VIPR2: variants seen among roughly 807,000 people sequenced by gnomAD.
VIPR2 encodes vasoactive intestinal peptide receptor 2, also known as vasoactive intestinal polypeptide receptor 2.
A neutral mutation model predicts 58.0 loss-of-function variants in VIPR2; 48 were observed. The observed-to-expected ratio is 0.83, with a 90% CI of 0.66 to 1.05. The LOEUF (loss-of-function observed/expected upper bound fraction) is 1.05, where lower values mean the gene tolerates loss of function less well. Ranked by LOEUF, VIPR2 falls within the 50% of genes least tolerant of loss-of-function variation. The pLI, the probability that VIPR2 is intolerant of heterozygous loss-of-function variation, is 0.00. For missense variants in VIPR2, 534 were observed against 558.0 expected (o/e 0.96, Z 0.43); for synonymous variants, 243 against 235.2 (o/e 1.03, Z -0.30).
At chr7:159,036,438 G>A (rs533553016) in intron 7 of VIPR2, among the ~76,000 whole-genome samples, 1 of 152,246 alleles carries the variant, frequency 6.6e-6, no homozygotes, top group African/African-American at 2.4e-5. Flanking sequence ...TCTCCTCTCT[G>A]ATCCCCACCC....
chr7:159,063,113 G>C (rs1477441337), intron 4 of VIPR2, among the ~76,000 whole-genome samples: 1 of 152,236 alleles, frequency 6.6e-6, no homozygotes, highest in Non-Finnish European at 1.5e-5. Context: ...GCCGCAGGCG[G>C]AGCTGCCCCC....
chr7:159,057,561 C>G (rs374787623), intron 5 of VIPR2, among the ~76,000 whole-genome samples: 2 of 152,104 alleles, frequency 1.3e-5, no homozygotes, highest in East Asian at 3.9e-4. Context: ...AGAAATATTC[C>G]ATTTATCATT....
chr7:159,035,929 T>C (rs375156566), intron 8 of VIPR2, 23 bp downstream of exon 8: 7 of 1,607,396 alleles, frequency 4.4e-6, no homozygotes, highest in Admixed American at 1.7e-5. Context: ...GTTTTCGAGG[T>C]TGCAGTCTGG....
Position 159,081,644 on chromosome 7 carries a change from T to G in VIPR2, c.357+22113A>C, listed in dbSNP as rs1363992089. On this transcript the variant is annotated intron_variant, in intron 4 of 12. Coordinates refer to ENST00000262178, the MANE Select transcript of VIPR2 (RefSeq NM_003382.5). ...GGATCTAATTAAACTAAAGAGCTTC[T>G]GCACAGCAAAAGAAACCACCATCAG... Among the ~76,000 whole-genome samples the G allele has an allele frequency of 9.2e-5, 14 of 152,260 alleles. No individual in the cohort carries two copies. The East Asian group carries it at 1.9e-3, about 21-fold the overall frequency.
At position 159,098,809 on chromosome 7, in the gene VIPR2, C is replaced by T. The variant is rs370259669; in HGVS notation, c.357+4948G>A. Reference sequence around the variant, plus strand: ...CAATAATGATTGCACACACAACACCCAGGGCAGACTTTGGCCCTGTGCAAG... The same window carrying T: ...CAATAATGATTGCACACACAACACCTAGGGCAGACTTTGGCCCTGTGCAAG... On this transcript the variant is annotated intron_variant, in intron 4 of 12. Transcript: ENST00000262178. This position sits in a 1 kb window ranked among gnomAD's most constrained non-coding sequence, Gnocchi z 5.2. 8.5e-4 allele frequency among the ~76,000 whole-genome samples: 130 copies of T among 152,342 alleles called. No individual in the cohort carries two copies. The highest frequency in any genetic ancestry group is 2.9e-3 in the African/African-American group (119 of 41,578).
At position 159,030,595 on chromosome 7, in the gene VIPR2, G is replaced by C; in HGVS notation, c.*21C>G. 1.3e-6 allele frequency: 2 copies of C among 1,512,544 alleles called. No homozygotes were observed. Among genetic ancestry groups the C allele is most frequent in the Non-Finnish European group, 1.8e-6 (2 of 1,127,114 alleles). The allele number at this position is 1,512,544 out of a possible 1,614,324, so 93.7% of individuals were successfully genotyped here. A position where few individuals can be genotyped will look rare whatever the true frequency, so the allele number is the denominator to read the frequency against. The stretch of plus-strand genomic sequence containing the variant: ...CCCCGAACCGTGGGCCTCCCGCCGC[G>C]TCCGACAGGCAGGGGTGGGGCTAGA... On this transcript the variant is annotated 3_prime_UTR_variant, in exon 13 of 13. Coordinates refer to ENST00000262178, the MANE Select transcript of VIPR2 (RefSeq NM_003382.5).
chr7:159,086,343 T>G (rs1166353230), intron 4 of VIPR2, among the ~76,000 whole-genome samples: 2 of 152,198 alleles, frequency 1.3e-5, no homozygotes, highest in Non-Finnish European at 2.9e-5. Flanking sequence ...AATCAGACCG[T>G]GCTGAGCTGG....
intron 2 of VIPR2, among the ~76,000 whole-genome samples, chr7:159,115,732 G>A (rs1395386888): frequency 6.6e-6 from 1 of 152,226 alleles, no homozygotes; most frequent in Non-Finnish European, 1.5e-5. Flanking sequence ...CCCCTGACGT[G>A]CTGCCTGCAG....
chr7:159,144,010 G>C (rs1368168121), intron 1 of VIPR2, among the ~76,000 whole-genome samples: 1 of 152,248 alleles, frequency 6.6e-6, no homozygotes, highest in African/African-American at 2.4e-5. Flanking sequence ...GCCGCGGATC[G>C]ATCCAGACCT....
intron 9 of VIPR2, 82 bp from the exon 10 acceptor site, chr7:159,034,386 C>A: frequency 7.1e-7 from 1 of 1,417,672 alleles, no homozygotes; most frequent in South Asian, 1.2e-5. Flanking sequence ...CGACCCTCCC[C>A]TCCGCTCCCT....
intron 4 of VIPR2, among the ~76,000 whole-genome samples, chr7:159,081,126 T>A: frequency 6.6e-6 from 1 of 152,164 alleles, no homozygotes; most frequent in African/African-American, 2.4e-5. Flanking sequence ...ACTTTAAAGT[T>A]CATATGGAAC....
Position 159,096,769 on chromosome 7 carries a change from C to T in VIPR2, c.357+6988G>A, listed in dbSNP as rs1418679108. On this transcript the variant is annotated intron_variant, in intron 4 of 12. Transcript: ENST00000262178. This position sits in a 1 kb window ranked among gnomAD's most constrained non-coding sequence, Gnocchi z 5.5. Reference sequence around the variant, plus strand: ...ATTTCTGCCTGTGGCCAGATTTCTGCCCCTGCCTGAGGTCAGTCTCGTGGC... The same window carrying T: ...ATTTCTGCCTGTGGCCAGATTTCTGTCCCTGCCTGAGGTCAGTCTCGTGGC... 2 of 1,406,552 alleles carry T rather than the reference C, an allele frequency of 1.4e-6. No individual in the cohort carries two copies. The highest frequency in any genetic ancestry group is 1.9e-6 in the Non-Finnish European group (2 of 1,076,008). The allele number at this position is 1,406,552 out of a possible 1,614,324, so 87.1% of individuals were successfully genotyped here.
chr7:159,127,996 G>A lies in VIPR2; in HGVS notation c.151+14450C>T, dbSNP rs984041258. Among the ~76,000 whole-genome samples, 2 of 152,128 alleles carry A rather than the reference G, an allele frequency of 1.3e-5. No homozygotes were observed. Among genetic ancestry groups the A allele is most frequent in the African/African-American group, 4.8e-5 (2 of 41,440 alleles). On this transcript the variant is annotated intron_variant, in intron 2 of 12. Coordinates refer to ENST00000262178, the MANE Select transcript of VIPR2 (RefSeq NM_003382.5). The surrounding 1 kb of genome is among the most constrained non-coding windows in gnomAD (Gnocchi z 4.6). ...TTGTGTCTCTTCCTGGATCATCCCA[G>A]AACATACATCCACAGCGCCAGGACA...
At chr7:159,040,955 G>A (rs1318626663) in intron 6 of VIPR2, among the ~76,000 whole-genome samples, 1 of 152,142 alleles carries the variant, frequency 6.6e-6, no homozygotes, top group East Asian at 1.9e-4. Context: ...TAGAGTCACG[G>A]GGCATCTGGC....
chr7:159,082,974 A>C (rs1292508072), intron 4 of VIPR2, among the ~76,000 whole-genome samples: 1 of 152,230 alleles, frequency 6.6e-6, no homozygotes, highest in African/African-American at 2.4e-5. Flanking sequence ...TCATGTAATT[A>C]CACACGGTGT....
At chr7:159,137,594 C>G (rs1317983072) in intron 2 of VIPR2, among the ~76,000 whole-genome samples, 1 of 152,198 alleles carries the variant, frequency 6.6e-6, no homozygotes, top group Non-Finnish European at 1.5e-5. Context: ...TTGTCTTGAA[C>G]TCCTGCCTTC....
intron 4 of VIPR2, among the ~76,000 whole-genome samples, chr7:159,088,553 C>A (rs556041953): frequency 1.3e-5 from 2 of 152,370 alleles, no homozygotes; most frequent in African/African-American, 4.8e-5. Flanking sequence ...CACCTATACA[C>A]CTGCAAGGAG....
intron 6 of VIPR2, among the ~76,000 whole-genome samples, chr7:159,037,214 T>G (rs1854023244): frequency 6.6e-6 from 1 of 152,170 alleles, no homozygotes; most frequent in African/African-American, 2.4e-5. Flanking sequence ...TCCCTGGCCC[T>G]CCCGTTCTCA....
intron 2 of VIPR2, among the ~76,000 whole-genome samples, chr7:159,131,652 C>G (rs921505434): frequency 6.6e-6 from 1 of 152,206 alleles, no homozygotes; most frequent in Non-Finnish European, 1.5e-5. Flanking sequence ...GTCTGTGACT[C>G]ACATTTTTTC....
Sources: allele counts gnomAD v4.1 joint callset (sites outside exome capture counted in the v4.1 genomes callset), GRCh38; gene constraint gnomAD v4.1.1; non-coding constraint Gnocchi (gnomAD v3.1); transcripts MANE v1.5; gene names NCBI Gene and HGNC (gene_info 2026-07-23, HGNC 2026-07-21).